The following ITGB5 variants were observed in gnomAD, a reference collection of about 807,000 sequenced individuals.
ITGB5 encodes the protein integrin beta-5.
ITGB5 carries 38 observed loss-of-function variants against 84.8 expected under a neutral mutation model. The ratio of observed to expected loss-of-function variants is 0.45; its 90% CI spans 0.35 to 0.59. ITGB5 has a LOEUF of 0.59. ITGB5 is among the 20% of genes least tolerant of loss of function. The pLI, the probability that ITGB5 is intolerant of heterozygous loss-of-function variation, is 0.01. For missense variants in ITGB5, 905 were observed against 1,034.5 expected (o/e 0.87, Z 1.72); for synonymous variants, 393 against 414.4 (o/e 0.95, Z 0.63).
chr3:124,795,742 G>C (rs1287666575), intron 10 of ITGB5, among the ~76,000 whole-genome samples: 2 of 152,130 alleles, frequency 1.3e-5, no homozygotes, highest in Admixed American at 1.3e-4. Context: ...GAGATCTGAG[G>C]ATGTTACTCT....
intron 9 of ITGB5, among the ~76,000 whole-genome samples, chr3:124,799,836 G>A (rs1241498785): frequency 2.0e-5 from 3 of 152,168 alleles, no homozygotes; most frequent in African/African-American, 7.2e-5. Context: ...CCTCATCGGG[G>A]TGCGCAGGGA....
At chr3:124,876,463 C>T (rs1016416516) in intron 1 of ITGB5, among the ~76,000 whole-genome samples, 12 of 152,008 alleles carry the variant, frequency 7.9e-5, no homozygotes, top group Admixed American at 6.5e-4. Context: ...TCACAGAAAT[C>T]GCAAACGGCA....
intron 1 of ITGB5, among the ~76,000 whole-genome samples, chr3:124,876,368 AC>A (rs1000683760): frequency 4.0e-5 from 6 of 151,014 alleles, no homozygotes; most frequent in African/African-American, 1.5e-4. Flanking sequence ...TAAAAAAAAA[AC>A]AAACCAGTAT....
intron 10 of ITGB5, among the ~76,000 whole-genome samples, chr3:124,794,438 G>A (rs1041402141): frequency 1.3e-5 from 2 of 152,120 alleles, no homozygotes; most frequent in African/African-American, 4.8e-5. Flanking sequence ...CAAACTTTTG[G>A]TAGTGAAGTT....
At chr3:124,796,311 A>C (rs2064222155) in intron 10 of ITGB5, 77 bp downstream of exon 10, 13 of 1,332,852 alleles carry the variant, frequency 9.8e-6, no homozygotes, top group Non-Finnish European at 1.4e-5. Flanking sequence ...CCACTGAGTA[A>C]AAGGCAGGCT....
At position 124,819,809 on chromosome 3, in the gene ITGB5, C is replaced by G. The variant is rs770884034; in HGVS notation, c.968G>C (p.Gly323Ala). The G allele has an allele frequency of 3.1e-6, 5 of 1,613,906 alleles. No individual in the cohort carries two copies. The highest frequency in any genetic ancestry group is 1.3e-5 in the African/African-American group (1 of 74,906). The change falls in exon 7 of 15, where the codon GGA (glycine) becomes GCA (alanine). Residue 323 changes from glycine (G) to alanine (A), a missense_variant. Gly to Ala is a moderately conservative substitution (Grantham distance 60, BLOSUM62 0). Coordinates refer to ENST00000296181, the MANE Select transcript of ITGB5 (RefSeq NM_002213.5). ...QMDYPSLALL[G>A]EKLAENNINL... Reference sequence around the variant, plus strand: ...GATGTTGTTCTCTGCCAATTTCTCTCCAAGCAAGGCAAGGGATGGATAGTC... The same window carrying G: ...GATGTTGTTCTCTGCCAATTTCTCTGCAAGCAAGGCAAGGGATGGATAGTC...
At chr3:124,785,508 C>T (rs2064068295) in intron 10 of ITGB5, among the ~76,000 whole-genome samples, 1 of 151,522 alleles carries the variant, frequency 6.6e-6, no homozygotes, top group Non-Finnish European at 1.5e-5. Context: ...TTGCGTGAAC[C>T]CGGGAGGCAG....
intron 2 of ITGB5, among the ~76,000 whole-genome samples, chr3:124,865,428 G>C (rs997391684): frequency 6.6e-6 from 1 of 150,758 alleles, no homozygotes; most frequent in Non-Finnish European, 1.5e-5. Context: ...TCTCCAAAGG[G>C]GAAAAGCAGC....
intron 5 of ITGB5, among the ~76,000 whole-genome samples, chr3:124,840,795 C>G (rs2065000826): frequency 6.6e-6 from 1 of 152,130 alleles, no homozygotes; most frequent in African/African-American, 2.4e-5. Flanking sequence ...TCCCGAGTAG[C>G]TGGGATTACA....
At chr3:124,768,394 G>A (rs1002941695) in intron 12 of ITGB5, among the ~76,000 whole-genome samples, 2 of 152,200 alleles carry the variant, frequency 1.3e-5, no homozygotes, top group African/African-American at 4.8e-5. Context: ...ATCCACACCT[G>A]TTAGTAGTCA....
chr3:124,817,494 G>T (rs1169004612), intron 8 of ITGB5, 127 bp downstream of exon 8: 3 of 573,238 alleles, frequency 5.2e-6, no homozygotes, highest in Non-Finnish European at 9.2e-6. Context: ...CAAACTCAAG[G>T]GGATGGGGGA....
At chr3:124,779,403 C>G (rs931285228) in intron 10 of ITGB5, among the ~76,000 whole-genome samples, 1 of 152,086 alleles carries the variant, frequency 6.6e-6, no homozygotes, top group Non-Finnish European at 1.5e-5. Context: ...TGTGGGAGGC[C>G]TCCCACCACC....
intron 5 of ITGB5, 109 bp from the exon 6 acceptor site, chr3:124,821,583 C>T: frequency 8.3e-7 from 1 of 1,210,380 alleles, no homozygotes; most frequent in African/African-American, 1.5e-5. Flanking sequence ...CAGAGGCATT[C>T]CCCTTGCCAT....
chr3:124,817,532 ACTGCCCACCTGAGCCCGCGGCAG>A lies in ITGB5; in HGVS notation c.1128+66_1128+88del, dbSNP rs1356692216. The A allele has an allele frequency of 3.3e-5, 22 of 667,850 alleles. No homozygotes were observed. In the East Asian group the frequency reaches 6.1e-4, roughly 18 times the overall value. 41.4% of individuals were successfully genotyped at this position (667,850 alleles called of 1,614,324 possible). On this transcript the variant is annotated intron_variant, in intron 8 of 14. Coordinates refer to ENST00000296181, the MANE Select transcript of ITGB5 (RefSeq NM_002213.5). ...AGAGCCAAGAAGAGCAGCACGGAGA[ACTGCCCACCTGAGCCCGCGGCAG>A]CTGCAGGGCCTCAGTGGGAGAGGGT... is the stretch of plus-strand genomic sequence containing the variant.
rs974269293 is a variant in ITGB5 at position 124,779,111 on chromosome 3, G to A, written c.1694-5199C>T. On this transcript the variant is annotated intron_variant, in intron 10 of 14. Coordinates refer to ENST00000296181, the MANE Select transcript of ITGB5 (RefSeq NM_002213.5). ...CATGGGGCATCAGGACACGGGAGCTGGCATTGCCGTGGGTGCCACTGGAGT... is the reference window on the plus strand; with the variant it reads ...CATGGGGCATCAGGACACGGGAGCTAGCATTGCCGTGGGTGCCACTGGAGT... Among the ~76,000 whole-genome samples, 9 of 152,186 alleles carry A rather than the reference G, an allele frequency of 5.9e-5. 1 individual carries two copies. Among genetic ancestry groups the A allele is most frequent in the Admixed American group, 3.9e-4 (6 of 15,278 alleles).
intron 5 of ITGB5, among the ~76,000 whole-genome samples, chr3:124,838,113 A>T (rs1331924472): frequency 6.6e-6 from 1 of 152,196 alleles, no homozygotes; most frequent in African/African-American, 2.4e-5. Context: ...CAAATGCAAC[A>T]AGACTGGTCA....
intron 5 of ITGB5, among the ~76,000 whole-genome samples, chr3:124,824,866 A>T (rs570599146): frequency 6.6e-6 from 1 of 152,318 alleles, no homozygotes; most frequent in South Asian, 2.1e-4. Context: ...TGAATAGCAA[A>T]CCAACAAACA....
chr3:124,861,162 C>T (rs13089681), intron 2 of ITGB5, among the ~76,000 whole-genome samples: 23,914 of 151,940 alleles, frequency 0.16, 1,972 homozygotes, highest in South Asian at 0.21. Context: ...CCTAAGCCTA[C>T]GGTATGTTTG....
chr3:124,881,644 G>C (rs573670551), intron 1 of ITGB5, among the ~76,000 whole-genome samples: 173 of 152,178 alleles, frequency 1.1e-3, no homozygotes, highest in African/African-American at 4.1e-3. Flanking sequence ...TCAGGGAGTA[G>C]ACCAAATGGC....
Sources: gnomAD v4.1 joint callset for allele counts (sites outside exome capture counted in the v4.1 genomes callset) on GRCh38, gnomAD v4.1.1 for gene constraint, MANE v1.5 for transcripts, NCBI Gene and HGNC (gene_info 2026-07-23, HGNC 2026-07-21) for gene names.